STXBP5: variants seen among roughly 807,000 people sequenced by gnomAD.
The protein encoded by STXBP5 is syntaxin binding protein 5, also known as syntaxin-binding protein 5.
Under a neutral mutation model 152.4 loss-of-function variants are expected in STXBP5, and 50 were observed. The observed-to-expected ratio is 0.33, with a 90% CI of 0.26 to 0.42. The LOEUF is 0.42. Among genes scored for constraint, STXBP5 ranks in the 10% least tolerant of loss-of-function variants. The probability of loss-of-function intolerance (pLI) is 1.00; values close to 1 mark genes in which losing one functional copy is unlikely to be tolerated. For missense variants in STXBP5, 1,167 were observed against 1,388.6 expected, an observed-to-expected ratio of 0.84 and a Z score of 2.54; for synonymous variants, 492 against 494.7, an observed-to-expected ratio of 0.99 and a Z score of 0.07.
chr6:147,279,757 C>T (rs1262363323), intron 8 of STXBP5, among the ~76,000 whole-genome samples: 1 of 152,054 alleles, frequency 6.6e-6, no homozygotes, highest in Non-Finnish European at 1.5e-5. Context: ...TATCTAGGTT[C>T]CTCATCTCGA....
intron 9 of STXBP5, 73 bp from the exon 10 acceptor site, chr6:147,310,010 TA>T: frequency 3.8e-6 from 4 of 1,062,200 alleles, no homozygotes; most frequent in Non-Finnish European, 5.1e-6. Context: ...TTCACTAAAT[TA>T]AAAAATTATG....
chr6:147,278,376 T>G (rs1780545730), intron 8 of STXBP5, among the ~76,000 whole-genome samples, 172 bp downstream of exon 8: 1 of 152,196 alleles, frequency 6.6e-6, no homozygotes, highest in South Asian at 2.1e-4. Flanking sequence ...AACAACCAGT[T>G]AATAAAATTT....
Position 147,205,997 on chromosome 6 carries a change from A to G in STXBP5, c.177A>G (p.Gln59=), listed in dbSNP as rs1399860978. The G allele has an allele frequency of 6.2e-7, 1 of 1,613,988 alleles. No individual in the cohort carries two copies. The highest frequency in any genetic ancestry group is 1.3e-5 in the African/African-American group (1 of 74,912). The stretch of plus-strand genomic sequence containing the variant: ...CTGTTCGCCATGGATTTCCCTATCA[A>G]CCCTCAGCCCTGGCCTTTGATCCTG... ...CKTVRHGFPY[Q]PSALAFDPVQ... The change falls in exon 2 of 28, where the codon CAA becomes CAG. Residue 59 remains glutamine, a synonymous_variant. Transcript: ENST00000321680.
intron 4 of STXBP5, among the ~76,000 whole-genome samples, chr6:147,245,197 A>C (rs1289607540): frequency 1.3e-5 from 2 of 151,824 alleles, no homozygotes; most frequent in Admixed American, 6.6e-5. Flanking sequence ...ATACTGTCAC[A>C]TTCTTGGGTA....
intron 12 of STXBP5, 80 bp from the exon 13 acceptor site, chr6:147,314,182 TAC>T (rs5880705): frequency 0.018 from 16,726 of 918,150 alleles, 1 homozygote; most frequent in East Asian, 0.033. Context: ...CTGGATTATT[TAC>T]ACACACACAC....
intron 4 of STXBP5, among the ~76,000 whole-genome samples, chr6:147,247,537 C>T (rs1410270544): frequency 6.6e-6 from 1 of 152,096 alleles, no homozygotes; most frequent in African/African-American, 2.4e-5. Context: ...AGAGGAAAGA[C>T]AGTTATGATT....
At chr6:147,353,417 G>A in intron 22 of STXBP5, 44 bp downstream of exon 22, 1 of 1,314,720 alleles carries the variant, frequency 7.6e-7, no homozygotes, top group Non-Finnish European at 1.0e-6. Context: ...CCCTATAATG[G>A]GAAGACAAGG....
At chr6:147,212,180 C>T (rs1002287046) in intron 2 of STXBP5, among the ~76,000 whole-genome samples, 11 of 152,102 alleles carry the variant, frequency 7.2e-5, no homozygotes, top group African/African-American at 2.4e-4. Context: ...CAGTTTATTT[C>T]GCAGTGGATT....
In STXBP5 at chr6:147,353,304, AAT is replaced by A; in HGVS notation, c.2255-18_2255-17del. ...ATCAAATATTCTTCAGAATTTTAAA[AAT>A]GTCTTTTATTTTTCAGCAAAGATGT... On this transcript the variant is annotated splice_polypyrimidine_tract_variant and intron_variant, in intron 21 of 27. Coordinates refer to ENST00000321680, the MANE Select transcript of STXBP5 (RefSeq NM_001127715.4). 6.5e-7 allele frequency: 1 copy of A among 1,545,144 alleles called. No homozygotes were observed. The highest frequency in any genetic ancestry group is 8.8e-7 in the Non-Finnish European group (1 of 1,137,666).
At chr6:147,328,637 A>G (rs1783396014) in intron 18 of STXBP5, 6 of 456,848 alleles carry the variant, frequency 1.3e-5, no homozygotes, top group East Asian at 7.0e-5. Context: ...TGTTGTCCCA[A>G]CCATACCATT....
intron 8 of STXBP5, among the ~76,000 whole-genome samples, chr6:147,287,445 G>A (rs909377390): frequency 4.6e-5 from 7 of 151,614 alleles, no homozygotes; most frequent in Admixed American, 1.3e-4. Flanking sequence ...CTCGTGATCC[G>A]CCCGCCTCGG....
At chr6:147,370,063 G>T (rs1432185966) in intron 25 of STXBP5, among the ~76,000 whole-genome samples, 1 of 151,972 alleles carries the variant, frequency 6.6e-6, no homozygotes, top group African/African-American at 2.4e-5. Flanking sequence ...TAGAATTCTA[G>T]TCAGCAATAC....
intron 25 of STXBP5, among the ~76,000 whole-genome samples, chr6:147,370,393 G>C (rs1464397547): frequency 6.6e-6 from 1 of 151,964 alleles, no homozygotes; most frequent in Non-Finnish European, 1.5e-5. Context: ...GCCAGTTTTT[G>C]TATGTCGATT....
Position 147,325,082 on chromosome 6 carries a change from A to T in STXBP5, c.1926A>T (p.Gly642=), listed in dbSNP as rs201221675. 75 of 1,526,350 alleles carry T rather than the reference A, an allele frequency of 4.9e-5. No homozygotes were observed. Among genetic ancestry groups the T allele is most frequent in the Non-Finnish European group, 2.6e-6 (3 of 1,132,900 alleles). The allele number at this position is 1,526,350 out of a possible 1,614,324, so 94.6% of individuals were successfully genotyped here. Residue 642 remains glycine (G), a splice_region_variant and synonymous_variant, in exon 17 of 28, where the codon GGA becomes GGT. Transcript: ENST00000321680. The part of the protein sequence containing the change: ...ITSLAVNSSY[G]LVVFGNCNGI... ...GCCTGGCAGTCAATTCTTCCTATGGACTGTAAGTATAAGTTACGTTTTTTT... is the reference window on the plus strand; with the variant it reads ...GCCTGGCAGTCAATTCTTCCTATGGTCTGTAAGTATAAGTTACGTTTTTTT...
intron 3 of STXBP5, among the ~76,000 whole-genome samples, 156 bp downstream of exon 3, chr6:147,235,487 G>A (rs1445016972): frequency 6.6e-6 from 1 of 152,068 alleles, no homozygotes; most frequent in East Asian, 1.9e-4. Context: ...TTAAGGTACC[G>A]TCATGGACAG....
At chr6:147,301,807 G>A (rs534315091) in intron 9 of STXBP5, among the ~76,000 whole-genome samples, 2 of 152,240 alleles carry the variant, frequency 1.3e-5, no homozygotes, top group South Asian at 2.1e-4. Context: ...CCTGTAGTAA[G>A]TGGTCAAATA....
chr6:147,282,999 G>A lies in STXBP5; in HGVS notation c.838+4795G>A, dbSNP rs565043942. ...AGCTAAAAAAAAAAAATGTCATAATGTTTTAAGAAAATTTTCTAATTTGTG... is the reference window on the plus strand; with the variant it reads ...AGCTAAAAAAAAAAAATGTCATAATATTTTAAGAAAATTTTCTAATTTGTG... On this transcript the variant is annotated intron_variant, in intron 8 of 27. Coordinates refer to ENST00000321680, the MANE Select transcript of STXBP5 (RefSeq NM_001127715.4). 2.6e-5 allele frequency among the ~76,000 whole-genome samples: 4 copies of A among 152,122 alleles called. No individual in the cohort carries two copies. In the South Asian group the frequency reaches 6.2e-4, roughly 24 times the overall value.
At chr6:147,373,939 CTCTT>C (rs1299609850) in intron 26 of STXBP5, 97 bp downstream of exon 26, 2 of 679,792 alleles carry the variant, frequency 2.9e-6, no homozygotes, top group African/African-American at 3.7e-5. Context: ...CACTTTTTTT[CTCTT>C]TGTCACAATT....
At position 147,316,336 on chromosome 6, in the gene STXBP5, C is replaced by T. The variant is rs1782644499; in HGVS notation, c.1731C>T (p.Ile577=). 9 of 1,612,778 alleles carry T rather than the reference C, an allele frequency of 5.6e-6. No individual in the cohort carries two copies. The highest frequency in any genetic ancestry group is 7.6e-6 in the Non-Finnish European group (9 of 1,179,502). The part of the protein sequence containing the change: ...TPVGGSNPQP[I]PPQSHPSTSS... ...TGGGAGGGTCCAACCCTCAGCCCAT[C>T]CCTCCTCAGTCTCATCCATCTACCA... Residue 577 remains isoleucine (I), a synonymous_variant, in exon 16 of 28, where the codon ATC becomes ATT. Transcript: ENST00000321680.
Sources: allele counts gnomAD v4.1 joint callset (sites outside exome capture counted in the v4.1 genomes callset), GRCh38; gene constraint gnomAD v4.1.1; transcripts MANE v1.5; gene names NCBI Gene and HGNC (gene_info 2026-07-23, HGNC 2026-07-21).